KIAA0586: variants seen among roughly 807,000 people sequenced by gnomAD.
The protein encoded by KIAA0586 is protein TALPID3.
In KIAA0586, 144 loss-of-function variants were observed where a neutral mutation model predicts 169.8. That is an observed-to-expected ratio of 0.85 (90% CI 0.74 to 0.97). The LOEUF (loss-of-function observed/expected upper bound fraction) is 0.97. KIAA0586 is among the 50% of genes least tolerant of loss of function. The pLI is 0.00. For synonymous variants in KIAA0586, 625 were observed against 612.4 expected (o/e 1.02, Z -0.30); for missense variants, 1,854 against 1,823.0 (o/e 1.02, Z -0.31).
chr14:58,445,437 CT>C (rs560212866), intron 6 of KIAA0586, among the ~76,000 whole-genome samples: 1,586 of 141,988 alleles, frequency 0.011, 17 homozygotes, highest in African/African-American at 0.032. Flanking sequence ...CTTTCTTTTT[CT>C]TTTTTTTTTT....
chr14:58,506,011 C>T (rs897433446), intron 27 of KIAA0586, among the ~76,000 whole-genome samples: 9 of 152,028 alleles, frequency 5.9e-5, no homozygotes, highest in Admixed American at 3.3e-4. Context: ...TATCTGTTAT[C>T]CAGTCACATT....
At chr14:58,446,976 C>A (rs1486657006) in intron 6 of KIAA0586, among the ~76,000 whole-genome samples, 1 of 152,138 alleles carries the variant, frequency 6.6e-6, no homozygotes, top group Non-Finnish European at 1.5e-5. Flanking sequence ...AGGAGTGGCT[C>A]CTACTTAGTC....
intron 1 of KIAA0586, among the ~76,000 whole-genome samples, chr14:58,429,033 A>G (rs1294530295): frequency 6.6e-6 from 1 of 152,206 alleles, no homozygotes; most frequent in Non-Finnish European, 1.5e-5. Context: ...TGACACTCAA[A>G]TAGTACTGCT....
At position 58,458,528 on chromosome 14, in the gene KIAA0586, A is replaced by G; in HGVS notation, c.1639A>G (p.Ile547Val). The change falls in exon 12 of 31, where the codon ATT (isoleucine) becomes GTT (valine). Residue 547 changes from isoleucine (I) to valine (V), a missense_variant. Transcript: ENST00000652326. ...GACAGTGGATGAATGGATTAAAACT[A>G]TTTCTGCAGAAATTCAGGTATGTCT... Reference protein sequence around the residue: ...RKTVDEWIKTISAEIQDELSR... With the variant: ...RKTVDEWIKTVSAEIQDELSR... 2.0e-6 allele frequency: 3 copies of G among 1,538,104 alleles called. No homozygotes were observed. The highest frequency in any genetic ancestry group is 2.6e-6 in the Non-Finnish European group (3 of 1,137,588).
chr14:58,511,961 G>A (rs147268085), intron 28 of KIAA0586, among the ~76,000 whole-genome samples: 52 of 152,254 alleles, frequency 3.4e-4, no homozygotes, highest in Admixed American at 2.1e-3. Flanking sequence ...TATGACTACT[G>A]TAAATTTCAA....
At position 58,435,147 on chromosome 14, in the gene KIAA0586, A is replaced by G. The variant is rs186041010; in HGVS notation, c.410+2690A>G. ...GCCTAGCACGTCTAATAATGTTTCA[A>G]GCTTAAGGAATAGAAGGGTTTAAGT... On this transcript the variant is annotated intron_variant, in intron 4 of 30. Coordinates refer to ENST00000652326, the MANE Select transcript of KIAA0586 (RefSeq NM_001329943.3). 5.9e-5 allele frequency among the ~76,000 whole-genome samples: 9 copies of G among 152,176 alleles called. No individual in the cohort carries two copies. In the East Asian group the frequency reaches 1.7e-3, roughly 29 times the overall value.
intron 20 of KIAA0586, among the ~76,000 whole-genome samples, chr14:58,480,196 CA>C (rs2041935040): frequency 6.6e-6 from 1 of 151,928 alleles, no homozygotes; most frequent in Non-Finnish European, 1.5e-5. Flanking sequence ...ACTCCTTTCT[CA>C]CAGCATTTGC....
chr14:58,430,036 G>T (rs2037229817), intron 2 of KIAA0586, among the ~76,000 whole-genome samples: 1 of 152,086 alleles, frequency 6.6e-6, no homozygotes, highest in Non-Finnish European at 1.5e-5. Flanking sequence ...GAAAATTGAA[G>T]CTGGCAAACT....
intron 15 of KIAA0586, 96 bp downstream of exon 15, chr14:58,466,125 A>C: frequency 1.0e-6 from 1 of 954,582 alleles, no homozygotes; most frequent in South Asian, 1.7e-5. Flanking sequence ...TGTGTGGCTC[A>C]GAGTGGTCTG....
rs1373403743 is a variant in KIAA0586, at chr14:58,427,868, A to G, written c.-397A>G. On this transcript the variant is annotated 5_prime_UTR_variant, in exon 1 of 31. Coordinates refer to ENST00000652326, the MANE Select transcript of KIAA0586 (RefSeq NM_001329943.3). ...TATTACGCTTCTTATGTGGGTCATT[A>G]TTTTAAAAATAGCATTTCGCTTTTA... is the stretch of plus-strand genomic sequence containing the variant. The G allele has an allele frequency of 5.8e-6, 8 of 1,378,962 alleles. No individual in the cohort carries two copies. 85.4% of individuals were successfully genotyped at this position (1,378,962 alleles called of 1,614,324 possible). A position where few individuals can be genotyped will look rare whatever the true frequency, so the allele number is the denominator to read the frequency against.
intron 4 of KIAA0586, among the ~76,000 whole-genome samples, chr14:58,434,934 A>G (rs2140447245): frequency 6.6e-6 from 1 of 151,148 alleles, no homozygotes; most frequent in East Asian, 2.0e-4. Context: ...GACTACAGGC[A>G]TGTGCCACCA....
chr14:58,445,472 T>C (rs1268005704), intron 6 of KIAA0586, among the ~76,000 whole-genome samples: 4 of 151,358 alleles, frequency 2.6e-5, no homozygotes, highest in Admixed American at 6.6e-5. Flanking sequence ...CTAACTCTGT[T>C]GCCCAGGCTG....
intron 29 of KIAA0586, among the ~76,000 whole-genome samples, chr14:58,537,608 G>A (rs2046375249): frequency 6.6e-6 from 1 of 152,136 alleles, no homozygotes; most frequent in Non-Finnish European, 1.5e-5. Context: ...AAAGTGAGAA[G>A]TGAACACAGA....
At chr14:58,514,959 T>C (rs958500400) in intron 29 of KIAA0586, among the ~76,000 whole-genome samples, 8 of 152,102 alleles carry the variant, frequency 5.3e-5, no homozygotes, top group Non-Finnish European at 1.0e-4. Context: ...TTTAAGTCAA[T>C]TTATTTGTCA....
chr14:58,506,927 A>T (rs970015952), intron 27 of KIAA0586, among the ~76,000 whole-genome samples: 1 of 151,886 alleles, frequency 6.6e-6, no homozygotes, highest in Non-Finnish European at 1.5e-5. Flanking sequence ...CAGGAAGATC[A>T]CTTTAGCCCA....
chr14:58,471,078 C>G (rs1333816213), intron 17 of KIAA0586, among the ~76,000 whole-genome samples: 2 of 152,158 alleles, frequency 1.3e-5, no homozygotes, highest in African/African-American at 4.8e-5. Context: ...TCTTGAACTC[C>G]TGACTCCAAG....
chr14:58,548,873 G>A lies in KIAA0586; in HGVS notation c.*941G>A, dbSNP rs1325560859. 6.6e-6 allele frequency: 1 copy of A among 152,152 alleles called. No homozygotes were observed. The highest frequency in any genetic ancestry group is 1.5e-5 in the Non-Finnish European group (1 of 68,018). The allele number at this position is 152,152 out of a possible 1,614,324, so 9.4% of individuals were successfully genotyped here. ...CCAATTCTGTAACTTCTTGCTTTGTGATAGGGGCCAACGAAACGCCTTCTT... is the reference window on the plus strand; with the variant it reads ...CCAATTCTGTAACTTCTTGCTTTGTAATAGGGGCCAACGAAACGCCTTCTT... On this transcript the variant is annotated 3_prime_UTR_variant, in exon 31 of 31. Coordinates refer to ENST00000652326, the MANE Select transcript of KIAA0586 (RefSeq NM_001329943.3).
intron 29 of KIAA0586, among the ~76,000 whole-genome samples, chr14:58,522,884 A>G (rs1014651581): frequency 6.6e-6 from 1 of 152,142 alleles, no homozygotes; most frequent in Non-Finnish European, 1.5e-5. Flanking sequence ...TTATGTGAGG[A>G]TGTTTGGATG....
At chr14:58,434,929 C>G (rs2037689829) in intron 4 of KIAA0586, among the ~76,000 whole-genome samples, 1 of 151,840 alleles carries the variant, frequency 6.6e-6, no homozygotes, top group Non-Finnish European at 1.5e-5. Context: ...GCTGGGACTA[C>G]AGGCATGTGC....
Sources: gnomAD v4.1 joint callset for allele counts (sites outside exome capture counted in the v4.1 genomes callset) on GRCh38, gnomAD v4.1.1 for gene constraint, MANE v1.5 for transcripts, NCBI Gene and HGNC (gene_info 2026-07-23, HGNC 2026-07-21) for gene names.